RBFOX3: variants seen among roughly 807,000 people sequenced by gnomAD.
RBFOX3 encodes the protein RNA binding protein fox-1 homolog 3.
In RBFOX3, 17 loss-of-function variants were observed where a neutral mutation model predicts 48.7. The observed-to-expected ratio is 0.35, with a 90% CI of 0.24 to 0.52. The LOEUF is 0.52. Among genes scored for constraint, RBFOX3 ranks in the 20% least tolerant of loss-of-function variants. RBFOX3 has a pLI of 0.94. For synonymous variants in RBFOX3, 212 were observed against 209.5 expected (o/e 1.01, Z -0.10); for missense variants, 382 against 497.5 (o/e 0.77, Z 2.21).
At chr17:79,594,406 G>GA (rs2093511140) in intron 1 of RBFOX3, among the ~76,000 whole-genome samples, 2 of 152,196 alleles carry the variant, frequency 1.3e-5, no homozygotes, top group African/African-American at 2.4e-5. Flanking sequence ...GAAAGAGATG[G>GA]AAATGGCTTG....
At chr17:79,614,778 G>C (rs1331770836), upstream of RBFOX3, among the ~76,000 whole-genome samples, 4 of 152,124 alleles carry the variant, frequency 2.6e-5, no homozygotes, top group African/African-American at 9.6e-5. Context: ...GGCTGGAAGA[G>C]AAAAGTAAGG....
chr17:79,194,059 C>G lies in RBFOX3; in HGVS notation c.-34+41707G>C, dbSNP rs375471332. On this transcript the variant is annotated intron_variant, in intron 4 of 14. Coordinates refer to ENST00000693108, the MANE Select transcript of RBFOX3 (RefSeq NM_001350451.2). ...ACCGAAACCCTGATGTTCTCCCTGC[C>G]CTGTGGGTTCATTTTCCTTGGAAAA... Among the ~76,000 whole-genome samples the G allele has an allele frequency of 2.7e-4, 41 of 152,204 alleles. 1 individual carries two copies. In the East Asian group the frequency reaches 6.8e-3, roughly 25 times the overall value.
In RBFOX3 at chr17:79,485,819, G is replaced by GC. The variant is rs1165017800; in HGVS notation, c.-319-3222dup. ...TGGCGCCCCGCACCCCTCCTCTGCC[G>GC]CCGGCTAGGCGAAGGCGCTGCATCC... is the stretch of plus-strand genomic sequence containing the variant. On this transcript the variant is annotated intron_variant, in intron 1 of 14. Coordinates refer to ENST00000693108, the MANE Select transcript of RBFOX3 (RefSeq NM_001350451.2). Among the ~76,000 whole-genome samples the GC allele has an allele frequency of 1.8e-4, 27 of 152,336 alleles. 1 individual carries two copies. The highest frequency in any genetic ancestry group is 6.5e-4 in the African/African-American group (27 of 41,584).
rs765147333 is a variant in RBFOX3 at position 79,252,817 on chromosome 17, C to A, written c.-73-17012G>T. Among the ~76,000 whole-genome samples the A allele has an allele frequency of 6.6e-6, 1 of 152,158 alleles. No homozygotes were observed. The highest frequency in any genetic ancestry group is 2.4e-5 in the African/African-American group (1 of 41,430). On this transcript the variant is annotated intron_variant, in intron 3 of 14. Coordinates refer to ENST00000693108, the MANE Select transcript of RBFOX3 (RefSeq NM_001350451.2). The surrounding 1 kb of genome is among the most constrained non-coding windows in gnomAD (Gnocchi z 4.0). ...GTCTTCATGTCCACAGAGAGTGAGG[C>A]GTGGACCCAGGCTTTCTGCCTCTCC...
intron 2 of RBFOX3, among the ~76,000 whole-genome samples, chr17:79,374,732 A>C (rs1339149631): frequency 6.6e-6 from 1 of 152,268 alleles, no homozygotes; most frequent in Non-Finnish European, 1.5e-5. Context: ...ATATCAAAAC[A>C]GATAACTTAA....
intron 2 of RBFOX3, among the ~76,000 whole-genome samples, chr17:79,337,604 A>G (rs1040203332): frequency 6.6e-6 from 1 of 152,090 alleles, no homozygotes; most frequent in South Asian, 2.1e-4. Context: ...GGTGAAACCT[A>G]ATCTCTACTA....
At chr17:79,134,968 G>T (rs7210273) in intron 4 of RBFOX3, 1 of 152,362 alleles carries the variant, frequency 6.6e-6, no homozygotes, top group African/African-American at 2.4e-5. Context: ...ACTTGGTGAG[G>T]GAGGGGGACT....
At chr17:79,611,121 C>CTCT, upstream of RBFOX3, among the ~76,000 whole-genome samples, 1 of 28,484 alleles carries the variant, frequency 3.5e-5, no homozygotes, top group South Asian at 2.5e-3. Context: ...CCTCCTCTCT[C>CTCT]CGCCCTCCTT....
At chr17:79,231,202 G>C (rs2060998910) in intron 4 of RBFOX3, among the ~76,000 whole-genome samples, 1 of 152,190 alleles carries the variant, frequency 6.6e-6, no homozygotes, top group South Asian at 2.1e-4. Flanking sequence ...CAGCTGGACA[G>C]AGAAAGAGCT....
At chr17:79,574,568 G>A (rs2092793989) in intron 1 of RBFOX3, among the ~76,000 whole-genome samples, 2 of 152,318 alleles carry the variant, frequency 1.3e-5, no homozygotes, top group African/African-American at 4.8e-5. Flanking sequence ...CTCAGGTCCG[G>A]GAAATTCCCA....
chr17:79,459,347 A>G (rs1329465995), intron 2 of RBFOX3, among the ~76,000 whole-genome samples: 1 of 152,172 alleles, frequency 6.6e-6, no homozygotes, highest in Non-Finnish European at 1.5e-5. Flanking sequence ...GCGGATGTGC[A>G]GAGCGTTCAG....
At chr17:79,596,153 C>T (rs2093563848) in intron 1 of RBFOX3, among the ~76,000 whole-genome samples, 1 of 152,216 alleles carries the variant, frequency 6.6e-6, no homozygotes, top group South Asian at 2.1e-4. Flanking sequence ...CTTTCAGAGG[C>T]AGTCTGCTCT....
At chr17:79,206,403 G>A (rs1378720844) in intron 4 of RBFOX3, among the ~76,000 whole-genome samples, 2 of 152,180 alleles carry the variant, frequency 1.3e-5, no homozygotes, top group East Asian at 3.8e-4. Flanking sequence ...CGTACACTGT[G>A]GCGGATAAGG....
At position 79,252,677 on chromosome 17, in the gene RBFOX3, C is replaced by T. The variant is rs532026658; in HGVS notation, c.-73-16872G>A. On this transcript the variant is annotated intron_variant, in intron 3 of 14. Coordinates refer to ENST00000693108, the MANE Select transcript of RBFOX3 (RefSeq NM_001350451.2). The surrounding 1 kb of genome is among the most constrained non-coding windows in gnomAD (Gnocchi z 4.0). ...AAGCCGCTACGTTTGTTTGCGACGGCGGCACCTAATGCGGTCCTCTTGGAA... is the reference window on the plus strand; with the variant it reads ...AAGCCGCTACGTTTGTTTGCGACGGTGGCACCTAATGCGGTCCTCTTGGAA... 1.3e-5 allele frequency among the ~76,000 whole-genome samples: 2 copies of T among 152,310 alleles called. No individual in the cohort carries two copies. The highest frequency in any genetic ancestry group is 1.9e-4 in the East Asian group (1 of 5,176).
chr17:79,505,068 C>T (rs1230941560), intron 1 of RBFOX3, among the ~76,000 whole-genome samples: 1 of 152,162 alleles, frequency 6.6e-6, no homozygotes, highest in African/African-American at 2.4e-5. Flanking sequence ...ATCCCCAAAG[C>T]TCAGGCATCT....
intron 1 of RBFOX3, among the ~76,000 whole-genome samples, chr17:79,555,684 G>A (rs2091674506): frequency 8.4e-5 from 1 of 11,972 alleles, no homozygotes; most frequent in Non-Finnish European, 2.1e-4. Context: ...TAGTCATGAT[G>A]GTGGTGATGG....
At chr17:79,371,836 C>T (rs57325899) in intron 2 of RBFOX3, among the ~76,000 whole-genome samples, 1 of 152,174 alleles carries the variant, frequency 6.6e-6, no homozygotes. Flanking sequence ...TGGTGAGAAG[C>T]GTGTCTCTGC....
chr17:79,262,614 G>A (rs1488689159), intron 3 of RBFOX3, among the ~76,000 whole-genome samples: 1 of 152,222 alleles, frequency 6.6e-6, no homozygotes, highest in Non-Finnish European at 1.5e-5. Context: ...CAGGCTGGTG[G>A]GAAGGGCTGT....
chr17:79,476,470 A>G (rs2077777596), intron 2 of RBFOX3, among the ~76,000 whole-genome samples: 1 of 152,266 alleles, frequency 6.6e-6, no homozygotes, highest in African/African-American at 2.4e-5. Context: ...CCAAAAGCAG[A>G]TGGGACAAAA....
Sources: allele counts gnomAD v4.1 joint callset (sites outside exome capture counted in the v4.1 genomes callset), GRCh38; gene constraint gnomAD v4.1.1; non-coding constraint Gnocchi (gnomAD v3.1); transcripts MANE v1.5; gene names NCBI Gene and HGNC (gene_info 2026-07-23, HGNC 2026-07-21).